Variants in PPFIA2 observed in about 807,000 individuals in gnomAD.
PPFIA2 encodes the protein liprin-alpha-2.
A neutral mutation model predicts 175.5 loss-of-function variants in PPFIA2; 46 were observed. That is an observed-to-expected ratio of 0.26 (90% CI 0.21 to 0.34). The LOEUF (loss-of-function observed/expected upper bound fraction) is 0.34. PPFIA2 is among the 10% of genes least tolerant of loss of function. The pLI is 1.00. For missense variants in PPFIA2, 1,179 were observed against 1,506.1 expected, an observed-to-expected ratio of 0.78 and a Z score of 3.60; for synonymous variants, 568 against 511.4, an observed-to-expected ratio of 1.11 and a Z score of -1.49.
intron 3 of PPFIA2, among the ~76,000 whole-genome samples, chr12:81,723,176 C>T (rs1922571): frequency 0.52 from 78,008 of 150,680 alleles, 21,344 homozygotes; most frequent in Middle Eastern, 0.73. Context: ...CTCTGCTCTA[C>T]TAACTGCATG....
At chr12:81,385,924 A>G (rs922995301) in intron 8 of PPFIA2, among the ~76,000 whole-genome samples, 2 of 152,114 alleles carry the variant, frequency 1.3e-5, no homozygotes, top group African/African-American at 4.8e-5. Context: ...CACATTGTAT[A>G]CATATAGCAA....
rs2035709826 is a variant in PPFIA2 at position 81,261,935 on chromosome 12, G to C, written c.*33+14C>G. 10 of 1,523,910 alleles carry C rather than the reference G, an allele frequency of 6.6e-6. No individual in the cohort carries two copies. Among genetic ancestry groups the C allele is most frequent in the Non-Finnish European group, 6.2e-6 (7 of 1,124,864 alleles). The allele number at this position is 1,523,910 out of a possible 1,614,324, so 94.4% of individuals were successfully genotyped here. A position where few individuals can be genotyped will look rare whatever the true frequency, so the allele number is the denominator to read the frequency against. ...TGTCTTTTTTTTTTTGTCAGCCAAA[G>C]GGAAACTACTCACAGCAGGTCAGTG... On this transcript the variant is annotated intron_variant, in intron 32 of 32. Transcript: ENST00000549396.
chr12:81,338,403 T>A (rs1469818445), intron 21 of PPFIA2, among the ~76,000 whole-genome samples: 1 of 152,142 alleles, frequency 6.6e-6, no homozygotes, highest in East Asian at 1.9e-4. Context: ...TAAGTATGTA[T>A]CATGTATGTA....
At chr12:81,725,476 T>C (rs2079944774) in intron 3 of PPFIA2, among the ~76,000 whole-genome samples, 1 of 150,874 alleles carries the variant, frequency 6.6e-6, no homozygotes, top group Non-Finnish European at 1.5e-5. Flanking sequence ...AGAATATTAA[T>C]ACACTGCCTA....
At chr12:81,393,512 A>G (rs1052872044) in intron 8 of PPFIA2, among the ~76,000 whole-genome samples, 1 of 152,096 alleles carries the variant, frequency 6.6e-6, no homozygotes, top group Non-Finnish European at 1.5e-5. Context: ...CCTGACAAAA[A>G]GTGTCTCCTC....
At chr12:81,371,621 A>G (rs946280464) in intron 11 of PPFIA2, among the ~76,000 whole-genome samples, 2 of 151,780 alleles carry the variant, frequency 1.3e-5, no homozygotes, top group Non-Finnish European at 2.9e-5. Flanking sequence ...AGAAAAAAAA[A>G]GAATTTGGTC....
intron 4 of PPFIA2, among the ~76,000 whole-genome samples, chr12:81,558,125 A>C (rs376848017): frequency 1.5e-4 from 23 of 152,292 alleles, no homozygotes; most frequent in East Asian, 1.4e-3. Context: ...CAAGTTTATG[A>C]AATAAAACTT....
At chr12:81,696,596 G>A (rs1171048267) in intron 3 of PPFIA2, among the ~76,000 whole-genome samples, 5 of 152,080 alleles carry the variant, frequency 3.3e-5, no homozygotes, top group Non-Finnish European at 5.9e-5. Flanking sequence ...TTTACAGATC[G>A]AATGGGGACC....
intron 7 of PPFIA2, among the ~76,000 whole-genome samples, chr12:81,413,029 G>A (rs1431572362): frequency 6.6e-6 from 1 of 151,654 alleles, no homozygotes; most frequent in Non-Finnish European, 1.5e-5. Context: ...ATGAATTCGG[G>A]GACAATATCT....
intron 3 of PPFIA2, among the ~76,000 whole-genome samples, chr12:81,752,249 T>C (rs768032601): frequency 3.9e-4 from 59 of 152,134 alleles, no homozygotes; most frequent in Admixed American, 5.2e-4. Flanking sequence ...GAAGAAATGA[T>C]TGCCCCATTT....
chr12:81,598,008 C>T (rs777906801), intron 4 of PPFIA2: 58 of 1,534,986 alleles, frequency 3.8e-5, no homozygotes, highest in Admixed American at 5.9e-5. Context: ...GAGCCAGAAA[C>T]GGTGTTCATA....
intron 4 of PPFIA2, among the ~76,000 whole-genome samples, chr12:81,558,754 G>A (rs1479812475): frequency 6.6e-6 from 1 of 152,096 alleles, no homozygotes; most frequent in East Asian, 1.9e-4. Context: ...CAGAGCTGGT[G>A]AAAAAGGGAT....
intron 3 of PPFIA2, among the ~76,000 whole-genome samples, chr12:81,742,226 T>C (rs2082409594): frequency 6.6e-6 from 1 of 152,196 alleles, no homozygotes; most frequent in Admixed American, 6.5e-5. Flanking sequence ...ATTTCAGAGA[T>C]TTGAGCAGAT....
chr12:81,716,245 G>C (rs1367039225), intron 3 of PPFIA2, among the ~76,000 whole-genome samples: 1 of 151,638 alleles, frequency 6.6e-6, no homozygotes, highest in Admixed American at 6.6e-5. Flanking sequence ...TAATTTTACT[G>C]ATTTCATCCA....
intron 4 of PPFIA2, among the ~76,000 whole-genome samples, chr12:81,477,282 G>T (rs1017330019): frequency 1.3e-5 from 2 of 150,746 alleles, no homozygotes; most frequent in African/African-American, 4.8e-5. Context: ...AGGATTGAGA[G>T]AAAAGGAGGA....
chr12:81,261,932 A>G lies in PPFIA2; in HGVS notation c.*33+17T>C, dbSNP rs2035707835. The G allele has an allele frequency of 3.3e-6, 5 of 1,515,274 alleles. No homozygotes were observed. The highest frequency in any genetic ancestry group is 4.5e-6 in the Non-Finnish European group (5 of 1,119,568). The allele number at this position is 1,515,274 out of a possible 1,614,324, so 93.9% of individuals were successfully genotyped here. ...TTTTGTCTTTTTTTTTTTGTCAGCC[A>G]AAGGGAAACTACTCACAGCAGGTCA... On this transcript the variant is annotated intron_variant, in intron 32 of 32. Transcript: ENST00000549396.
At chr12:81,327,980 A>G (rs1023946818) in intron 21 of PPFIA2, among the ~76,000 whole-genome samples, 9 of 152,180 alleles carry the variant, frequency 5.9e-5, no homozygotes, top group Non-Finnish European at 1.2e-4. Flanking sequence ...ACGTAAGGCC[A>G]TTGTAAGTAA....
intron 21 of PPFIA2, among the ~76,000 whole-genome samples, chr12:81,338,174 T>C (rs1031575343): frequency 1.4e-4 from 22 of 152,128 alleles, no homozygotes; most frequent in Admixed American, 1.0e-3. Flanking sequence ...AGTCCTGGAG[T>C]TGGGTATTCC....
intron 4 of PPFIA2, among the ~76,000 whole-genome samples, chr12:81,602,000 T>C (rs1163290472): frequency 2.0e-5 from 3 of 151,892 alleles, no homozygotes; most frequent in Non-Finnish European, 4.4e-5. Context: ...CTCCTGCACA[T>C]AATTTTATTT....
Sources: gnomAD v4.1 joint callset for allele counts (sites outside exome capture counted in the v4.1 genomes callset) on GRCh38, gnomAD v4.1.1 for gene constraint, MANE v1.5 for transcripts, NCBI Gene and HGNC (gene_info 2026-07-23, HGNC 2026-07-21) for gene names.